Variants in DNER observed in about 807,000 individuals in gnomAD.
DNER encodes the protein delta and Notch-like epidermal growth factor-related receptor.
Under a neutral mutation model 78.2 loss-of-function variants are expected in DNER, and 33 were observed. The ratio of observed to expected loss-of-function variants is 0.42; its 90% confidence interval spans 0.32 to 0.56. The LOEUF is 0.56. Ranked by LOEUF, DNER falls within the 20% of genes least tolerant of loss-of-function variation. The pLI is 0.11. For synonymous variants in DNER, 417 were observed against 384.8 expected, an observed-to-expected ratio of 1.08 and a Z score of -0.98; for missense variants, 918 against 975.3, an observed-to-expected ratio of 0.94 and a Z score of 0.78.
intron 4 of DNER, among the ~76,000 whole-genome samples, chr2:229,576,907 C>T (rs2154214189): frequency 6.6e-6 from 1 of 152,200 alleles, no homozygotes; most frequent in Middle Eastern, 3.4e-3. Context: ...AAGACACAGC[C>T]CCAATCTGAG....
intron 1 of DNER, among the ~76,000 whole-genome samples, chr2:229,684,101 AGT>A (rs377602119): frequency 5.4e-5 from 7 of 129,952 alleles, no homozygotes; most frequent in East Asian, 5.2e-4. Context: ...TACCTACCAG[AGT>A]GTGTGTGTGT....
intron 1 of DNER, among the ~76,000 whole-genome samples, chr2:229,692,370 C>T (rs1055125414): frequency 6.6e-6 from 1 of 152,202 alleles, no homozygotes; most frequent in Non-Finnish European, 1.5e-5. Context: ...AACCCAAACA[C>T]ATCATTGCAT....
chr2:229,653,059 T>A (rs1698848300), intron 1 of DNER, among the ~76,000 whole-genome samples: 1 of 152,224 alleles, frequency 6.6e-6, no homozygotes, highest in African/African-American at 2.4e-5. Flanking sequence ...TGCATCTCAG[T>A]GGGCACAGCA....
At chr2:229,548,617 C>T (rs531332842) in intron 4 of DNER, among the ~76,000 whole-genome samples, 15 of 152,038 alleles carry the variant, frequency 9.9e-5, no homozygotes, top group Non-Finnish European at 1.8e-4. Flanking sequence ...AGGGGAGGGA[C>T]AGCATTAGGA....
chr2:229,706,585 G>T (rs971742341), intron 1 of DNER, among the ~76,000 whole-genome samples: 2 of 152,046 alleles, frequency 1.3e-5, no homozygotes, highest in Admixed American at 1.3e-4. Context: ...AATATTTTCA[G>T]CTTTGTGAGC....
chr2:229,515,219 G>A (rs1311255464), intron 5 of DNER, among the ~76,000 whole-genome samples: 4 of 152,118 alleles, frequency 2.6e-5, no homozygotes, highest in African/African-American at 9.7e-5. Flanking sequence ...CTGTCAGAAA[G>A]GTATTTTTTT....
At chr2:229,476,317 G>A (rs189259272) in intron 7 of DNER, among the ~76,000 whole-genome samples, 285 of 152,290 alleles carry the variant, frequency 1.9e-3, no homozygotes, top group Middle Eastern at 6.8e-3. Context: ...TGGGAAGCCA[G>A]TGGCCTCTTA....
At chr2:229,684,133 T>G (rs1332952158) in intron 1 of DNER, among the ~76,000 whole-genome samples, 1 of 111,620 alleles carries the variant, frequency 9.0e-6, no homozygotes, top group Non-Finnish European at 1.8e-5. Flanking sequence ...TTTGTGTGTG[T>G]GTCTGTGTAT....
Position 229,387,863 on chromosome 2 carries a change from C to CTGTGTG in DNER, c.1855+396_1855+401dup, listed in dbSNP as rs34029070. Among the ~76,000 whole-genome samples, 538 of 120,650 alleles carry CTGTGTG rather than the reference C, an allele frequency of 4.5e-3. 6 individuals carry two copies. Among genetic ancestry groups the CTGTGTG allele is most frequent in the Admixed American group, 8.5e-3 (104 of 12,214 alleles). The allele number at this position is 120,650 out of a possible 152,430, so 79.2% of individuals were successfully genotyped here. ...CATAAATAAAAAGGTAATTTGCATT[C>CTGTGTG]TGTGTGTGTGTGTGTGTGTGTGTGT... On this transcript the variant is annotated intron_variant, in intron 11 of 12. Transcript: ENST00000341772.
rs142128888 is a variant in DNER at position 229,527,484 on chromosome 2, G to T, written c.994-14548C>A. ...ATGTGTTACTATTTTAGGGACATTC[G>T]CATTTAAATAGAAAGCCATGCCTTT... On this transcript the variant is annotated intron_variant, in intron 5 of 12. Transcript: ENST00000341772. Among the ~76,000 whole-genome samples, 1,455 of 152,130 alleles carry T rather than the reference G, an allele frequency of 9.6e-3. 27 individuals are homozygous for T. Among genetic ancestry groups the T allele is most frequent in the African/African-American group, 0.033 (1,372 of 41,476 alleles).
At chr2:229,376,265 T>C (rs1404930948) in intron 11 of DNER, among the ~76,000 whole-genome samples, 1 of 152,146 alleles carries the variant, frequency 6.6e-6, no homozygotes, top group Non-Finnish European at 1.5e-5. Flanking sequence ...TCTGCCTTCA[T>C]GAACTAGGTT....
chr2:229,361,073 C>T (rs1026370844), intron 12 of DNER, among the ~76,000 whole-genome samples: 2 of 152,128 alleles, frequency 1.3e-5, no homozygotes, highest in Admixed American at 6.5e-5. Flanking sequence ...GCTAAAATGA[C>T]GTCGTTTATA....
rs1022229330 is a variant in DNER, at chr2:229,487,700, G to C, written c.1148-10447C>G. ...AAAGAAGGTATTCATTCACTCTTCA[G>C]AAAGAATTTTTTGTGAGTGAAAATT... On this transcript the variant is annotated intron_variant, in intron 6 of 12. Coordinates refer to ENST00000341772, the MANE Select transcript of DNER (RefSeq NM_139072.4). 2.0e-5 allele frequency among the ~76,000 whole-genome samples: 3 copies of C among 152,306 alleles called. No individual in the cohort carries two copies. The East Asian group carries it at 5.8e-4, about 29-fold the overall frequency.
chr2:229,625,122 C>A (rs1308562566), intron 1 of DNER, among the ~76,000 whole-genome samples: 2 of 152,128 alleles, frequency 1.3e-5, no homozygotes, highest in East Asian at 3.9e-4. Flanking sequence ...AACCCCTAAG[C>A]CCAAGGCTAA....
chr2:229,684,175 T>A (rs945727928), intron 1 of DNER, among the ~76,000 whole-genome samples: 248 of 140,282 alleles, frequency 1.8e-3, no homozygotes, highest in African/African-American at 4.7e-3. Flanking sequence ...AGAGAGTGTG[T>A]GTGTGTGTGT....
intron 6 of DNER, among the ~76,000 whole-genome samples, chr2:229,503,182 G>A (rs151010056): frequency 1.3e-5 from 2 of 152,254 alleles, no homozygotes; most frequent in East Asian, 3.9e-4. Flanking sequence ...ACCTAATGGG[G>A]GTAGGTTATG....
intron 4 of DNER, among the ~76,000 whole-genome samples, chr2:229,580,719 T>A: frequency 6.6e-6 from 1 of 152,110 alleles, no homozygotes; most frequent in East Asian, 1.9e-4. Context: ...AAATCGGGGT[T>A]TCTCTGAGGC....
chr2:229,533,162 G>A (rs1574888954), intron 5 of DNER, among the ~76,000 whole-genome samples: 2 of 152,106 alleles, frequency 1.3e-5, no homozygotes, highest in African/African-American at 2.4e-5. Context: ...ATAAGTTAAA[G>A]GTAAACAAAG....
At chr2:229,453,283 T>G (rs1694498665) in intron 7 of DNER, among the ~76,000 whole-genome samples, 5 of 152,152 alleles carry the variant, frequency 3.3e-5, no homozygotes, top group Admixed American at 3.3e-4. Flanking sequence ...GGTTTTCAGA[T>G]GGGGGGACAA....
Sources: allele counts gnomAD v4.1 joint callset (sites outside exome capture counted in the v4.1 genomes callset), GRCh38; gene constraint gnomAD v4.1.1; transcripts MANE v1.5; gene names NCBI Gene and HGNC (gene_info 2026-07-23, HGNC 2026-07-21).